MUSK: variants seen among roughly 807,000 people sequenced by gnomAD.
The protein encoded by MUSK is muscle, skeletal receptor tyrosine-protein kinase.
Under a neutral mutation model 88.7 loss-of-function variants are expected in MUSK, and 55 were observed. That is an observed-to-expected ratio of 0.62 (90% CI 0.50 to 0.78). The LOEUF (loss-of-function observed/expected upper bound fraction) is 0.78. Among genes scored for constraint, MUSK ranks in the 30% least tolerant of loss-of-function variants. The pLI, the probability that MUSK is intolerant of heterozygous loss-of-function variation, is 0.00. For missense variants in MUSK, 1,015 were observed against 1,074.3 expected (o/e 0.94, Z 0.77); for synonymous variants, 387 against 391.9 (o/e 0.99, Z 0.15).
At chr9:110,718,202 A>G (rs2076768936) in intron 5 of MUSK, among the ~76,000 whole-genome samples, 1 of 152,024 alleles carries the variant, frequency 6.6e-6, no homozygotes, top group East Asian at 1.9e-4. Flanking sequence ...TCCCCACACT[A>G]TGGTGCCTTC....
intron 5 of MUSK, among the ~76,000 whole-genome samples, chr9:110,704,550 G>T (rs2076571530): frequency 6.6e-6 from 1 of 152,078 alleles, no homozygotes; most frequent in Non-Finnish European, 1.5e-5. Flanking sequence ...GCAAGGTACT[G>T]TTCTAAGTGC....
intron 5 of MUSK, among the ~76,000 whole-genome samples, chr9:110,715,805 G>A (rs1195967655): frequency 1.3e-5 from 2 of 149,198 alleles, no homozygotes; most frequent in African/African-American, 5.1e-5. Flanking sequence ...AAAGGAAAGA[G>A]ATCATGCCCT....
rs760320024 is a variant in MUSK at position 110,805,865 on chromosome 9, C to G, written c.*4877C>G. On this transcript the variant is annotated 3_prime_UTR_variant, in exon 15 of 15. Coordinates refer to ENST00000374448, the MANE Select transcript of MUSK (RefSeq NM_005592.4). The stretch of plus-strand genomic sequence containing the variant: ...TAAGTTCATAAAATTAAAAGTTTAT[C>G]ATTTTCATCTCTGTTAGAGTTTTGT... Among the ~76,000 whole-genome samples the G allele has an allele frequency of 6.6e-6, 1 of 151,792 alleles. No individual in the cohort carries two copies. The highest frequency in any genetic ancestry group is 2.4e-5 in the African/African-American group (1 of 41,354).
intron 6 of MUSK, among the ~76,000 whole-genome samples, chr9:110,737,351 T>C (rs1476750421): frequency 2.6e-5 from 4 of 151,802 alleles, no homozygotes; most frequent in Non-Finnish European, 4.4e-5. Flanking sequence ...TATTTTAAAA[T>C]CAATAAAACA....
intron 3 of MUSK, among the ~76,000 whole-genome samples, chr9:110,687,901 A>G (rs1241435968): frequency 6.6e-6 from 1 of 152,100 alleles, no homozygotes; most frequent in Non-Finnish European, 1.5e-5. Context: ...ACACCTGTGA[A>G]ACACAACCAA....
intron 9 of MUSK, among the ~76,000 whole-genome samples, chr9:110,772,672 T>C (rs1193259785): frequency 1.3e-5 from 2 of 152,120 alleles, no homozygotes; most frequent in African/African-American, 4.8e-5. Context: ...GTATTAGCTA[T>C]TTGGTCCAAT....
Position 110,800,915 on chromosome 9 carries a change from G to A in MUSK, c.2537G>A (p.Arg846Lys). The part of the protein sequence containing the change: ...RLCWSKLPAD[R>K]PSFTSIHRIL... ...TGTTGGAGCAAGCTGCCTGCAGACAGACCCAGTTTCACCAGTATTCACCGA... is the reference window on the plus strand; with the variant it reads ...TGTTGGAGCAAGCTGCCTGCAGACAAACCCAGTTTCACCAGTATTCACCGA... Residue 846 changes from arginine (R) to lysine (K), a missense_variant, in exon 15 of 15, where the codon AGA becomes AAA. Arg to Lys is a conservative substitution (Grantham distance 26, BLOSUM62 2). Transcript: ENST00000374448. The A allele has an allele frequency of 1.3e-6, 2 of 1,542,692 alleles. No homozygotes were observed. Among genetic ancestry groups the A allele is most frequent in the Non-Finnish European group, 1.7e-6 (2 of 1,145,810 alleles).
chr9:110,774,351 C>CTA (rs770081996), intron 9 of MUSK, among the ~76,000 whole-genome samples: 123 of 152,114 alleles, frequency 8.1e-4, no homozygotes, highest in Non-Finnish European at 1.5e-3. Context: ...ACTTTTTAGT[C>CTA]TATAGTTCAT....
intron 6 of MUSK, among the ~76,000 whole-genome samples, chr9:110,745,684 A>C (rs560320430): frequency 1.7e-3 from 260 of 152,334 alleles, no homozygotes; most frequent in Non-Finnish European, 3.0e-3. Context: ...AACTGAGTGC[A>C]TGTCTCTTAA....
chr9:110,706,514 A>G (rs1240817915), intron 5 of MUSK, among the ~76,000 whole-genome samples: 1 of 151,906 alleles, frequency 6.6e-6, no homozygotes, highest in Non-Finnish European at 1.5e-5. Context: ...ATCTGAAACC[A>G]TTTTCTCCTG....
At position 110,697,410 on chromosome 9, in the gene MUSK, T is replaced by G; in HGVS notation, c.572T>G (p.Val191Gly). Residue 191 changes from valine to glycine, a missense_variant, in exon 5 of 15, where the codon GTG becomes GGG. Physicochemically the swap from Val to Gly is moderately radical, Grantham distance 109. Transcript: ENST00000374448. Reference protein sequence around the residue: ...QKEDAGQYRCVAKNSLGTAYS... With the variant: ...QKEDAGQYRCGAKNSLGTAYS... ...GAAGATGCAGGACAGTATCGATGTGTGGCAAAAAACAGCCTCGGGACAGCA... is the reference window on the plus strand; with the variant it reads ...GAAGATGCAGGACAGTATCGATGTGGGGCAAAAAACAGCCTCGGGACAGCA... 3 of 1,612,552 alleles carry G rather than the reference T, an allele frequency of 1.9e-6. No individual in the cohort carries two copies. The highest frequency in any genetic ancestry group is 2.5e-6 in the Non-Finnish European group (3 of 1,179,108).
At chr9:110,736,476 T>A (rs1287322451) in intron 6 of MUSK, among the ~76,000 whole-genome samples, 1 of 152,058 alleles carries the variant, frequency 6.6e-6, no homozygotes, top group East Asian at 1.9e-4. Context: ...ATGGTATACA[T>A]GGCATGTCAG....
chr9:110,734,408 G>A, intron 6 of MUSK, 33 bp downstream of exon 6: 2 of 1,612,606 alleles, frequency 1.2e-6, no homozygotes, highest in Non-Finnish European at 1.7e-6. Flanking sequence ...CTTGTCTGGG[G>A]AAGACCCATT....
intron 6 of MUSK, among the ~76,000 whole-genome samples, chr9:110,739,641 C>G (rs189372216): frequency 6.6e-6 from 1 of 152,154 alleles, no homozygotes; most frequent in Non-Finnish European, 1.5e-5. Flanking sequence ...AAAGGCCAGA[C>G]CTTTCTTTGG....
intron 5 of MUSK, chr9:110,706,184 A>C: frequency 2.1e-6 from 1 of 469,638 alleles, no homozygotes; most frequent in South Asian, 1.6e-5. Context: ...ACAAAAATAA[A>C]TCAACCATAT....
At chr9:110,742,330 T>C (rs2077112419) in intron 6 of MUSK, among the ~76,000 whole-genome samples, 1 of 151,918 alleles carries the variant, frequency 6.6e-6, no homozygotes, top group Non-Finnish European at 1.5e-5. Flanking sequence ...GTGGCACATG[T>C]CTGTAGTCCC....
chr9:110,785,715 C>A lies in MUSK; in HGVS notation c.1775C>A (p.Ala592Glu). Residue 592 changes from alanine to glutamate, a missense_variant, in exon 13 of 15, where the codon GCA becomes GAA. Physicochemically the swap from Ala to Glu is moderately radical, Grantham distance 107. Coordinates refer to ENST00000374448, the MANE Select transcript of MUSK (RefSeq NM_005592.4). ...GEGAFGRVFQ[A>E]RAPGLLPYEP... is the part of the protein sequence containing the mutation. ...GGAGCGTTTGGAAGGGTGTTTCAAG[C>A]AAGGTAAAGTTACCTATGGAAAAAA... The A allele has an allele frequency of 6.3e-7, 1 of 1,590,634 alleles. No homozygotes were observed. Among genetic ancestry groups the A allele is most frequent in the Non-Finnish European group, 8.6e-7 (1 of 1,166,922 alleles).
intron 1 of MUSK, among the ~76,000 whole-genome samples, chr9:110,673,081 T>C (rs2075980913): frequency 1.3e-5 from 2 of 152,118 alleles, no homozygotes; most frequent in Admixed American, 1.3e-4. Context: ...TCAACAAATA[T>C]CATTAAATAC....
chr9:110,730,568 G>A (rs1202591932), intron 5 of MUSK, among the ~76,000 whole-genome samples: 1 of 152,010 alleles, frequency 6.6e-6, no homozygotes, highest in Non-Finnish European at 1.5e-5. Flanking sequence ...GACTACCACT[G>A]AAATAATGGG....
Sources: gnomAD v4.1 joint callset for allele counts (sites outside exome capture counted in the v4.1 genomes callset) on GRCh38, gnomAD v4.1.1 for gene constraint, MANE v1.5 for transcripts, NCBI Gene and HGNC (gene_info 2026-07-23, HGNC 2026-07-21) for gene names.